The following TNK2 variants were observed in gnomAD, a reference collection of about 807,000 sequenced individuals.
TNK2 encodes tyrosine kinase non receptor 2, also known as activated CDC42 kinase 1.
In TNK2, 83 loss-of-function variants were observed where a neutral mutation model predicts 101.8. The ratio of observed to expected loss-of-function variants is 0.82; its 90% confidence interval spans 0.68 to 0.98. The LOEUF (loss-of-function observed/expected upper bound fraction) is 0.98. Ranked by LOEUF, TNK2 falls within the 50% of genes least tolerant of loss-of-function variation. The pLI is 0.00. For synonymous variants in TNK2, 804 were observed against 633.0 expected, an observed-to-expected ratio of 1.27 and a Z score of -4.06; for missense variants, 1,665 against 1,483.2, an observed-to-expected ratio of 1.12 and a Z score of -2.01.
At chr3:195,887,422 TCTAACTTAGCACATTA>T (rs1756176489) in intron 2 of TNK2, among the ~76,000 whole-genome samples, 1 of 152,242 alleles carries the variant, frequency 6.6e-6, no homozygotes, top group Non-Finnish European at 1.5e-5. Flanking sequence ...TAAATCAATG[TCTAACTTAGCACATTA>T]CTACCTATTT....
At position 195,879,090 on chromosome 3, in the gene TNK2, TG is replaced by T. The variant is rs1490613847; in HGVS notation, c.972del (p.Phe324LeufsTer86). On this transcript the variant is annotated frameshift_variant, in exon 7 of 16. Transcript: ENST00000672887. LOFTEE classifies it high-confidence loss of function. Reference sequence around the variant, plus strand: ...CCGATCCAGGGCTCCTGGCCGTAGGTGAACATTTCCCACAGTGTCACCCCGA... The same window carrying T: ...CCGATCCAGGGCTCCTGGCCGTAGGTAACATTTCCCACAGTGTCACCCCGA... ...WMFGVTLWEM[F>X]TYGQEPWIGL... 4.3e-6 allele frequency: 7 copies of T among 1,613,580 alleles called. No homozygotes were observed. Among genetic ancestry groups the T allele is most frequent in the Non-Finnish European group, 5.9e-6 (7 of 1,179,976 alleles).
At chr3:195,877,441 T>G (rs957153410) in intron 9 of TNK2, among the ~76,000 whole-genome samples, 2 of 152,020 alleles carry the variant, frequency 1.3e-5, no homozygotes, top group Non-Finnish European at 2.9e-5. Context: ...GCAGTGCAGG[T>G]GGAAGAGGCT....
chr3:195,904,189 T>C (rs912889661), intron 1 of TNK2, among the ~76,000 whole-genome samples: 10 of 147,600 alleles, frequency 6.8e-5, no homozygotes, highest in African/African-American at 2.3e-4. Flanking sequence ...GCCCAGGAAG[T>C]CGAGGTTGCA....
At position 195,885,240 on chromosome 3, in the gene TNK2, G is replaced by A. The variant is rs1755083730; in HGVS notation, c.235-207C>T. On this transcript the variant is annotated intron_variant, in intron 3 of 15. Transcript: ENST00000672887. The surrounding 1 kb of genome is among the most constrained non-coding windows in gnomAD (Gnocchi z 4.7). Reference sequence around the variant, plus strand: ...AACATGAACCCAAAGCCTGATGCTGGCCTCAAGGAGGGTGCCAGAAAGAGA... The same window carrying A: ...AACATGAACCCAAAGCCTGATGCTGACCTCAAGGAGGGTGCCAGAAAGAGA... The A allele has an allele frequency of 9.7e-6, 10 of 1,034,172 alleles. No homozygotes were observed. The South Asian group carries it at 1.7e-4, about 18-fold the overall frequency. 64.1% of individuals were successfully genotyped at this position (1,034,172 alleles called of 1,614,324 possible).
intron 12 of TNK2, 160 bp downstream of exon 12, chr3:195,869,337 G>A (rs146905259): frequency 1.3e-5 from 10 of 759,218 alleles, no homozygotes; most frequent in African/African-American, 3.5e-5. Flanking sequence ...GGGCTCGAGG[G>A]GGGGCAGGCA....
chr3:195,877,308 T>A (rs577320958), intron 9 of TNK2, among the ~76,000 whole-genome samples: 1 of 152,226 alleles, frequency 6.6e-6, no homozygotes, highest in South Asian at 2.1e-4. Context: ...GAGCCGGGCC[T>A]GGGAAGGCTC....
Position 195,867,890 on chromosome 3 carries a change from C to A in TNK2, c.2408G>T (p.Gly803Val). ...VPPREPLSPQGSRTPSPLVPP... is the reference protein window; with the variant it reads ...VPPREPLSPQVSRTPSPLVPP... The stretch of plus-strand genomic sequence containing the variant: ...TACCAGGGGGCTGGGTGTCCTCGAG[C>A]CTTGAGGGGACAGGGGCTCCCGCGG... Residue 803 changes from glycine to valine, a missense_variant, in exon 13 of 16, where the codon GGC becomes GTC. Coordinates refer to ENST00000672887, the MANE Select transcript of TNK2 (RefSeq NM_001382273.1). 2 of 1,531,166 alleles carry A rather than the reference C, an allele frequency of 1.3e-6. No individual in the cohort carries two copies. Among genetic ancestry groups the A allele is most frequent in the South Asian group, 1.3e-5 (1 of 77,930 alleles). The allele number at this position is 1,531,166 out of a possible 1,614,324, so 94.8% of individuals were successfully genotyped here.
chr3:195,900,070 C>T (rs1353661141), intron 1 of TNK2, among the ~76,000 whole-genome samples: 2 of 152,130 alleles, frequency 1.3e-5, no homozygotes, highest in African/African-American at 2.4e-5. Context: ...GCAACTCAGT[C>T]CCCCAAAGCC....
chr3:195,864,105 G>C lies in TNK2; in HGVS notation c.*76C>G, dbSNP rs1738947024. 1.9e-6 allele frequency: 3 copies of C among 1,597,290 alleles called. No homozygotes were observed. The highest frequency in any genetic ancestry group is 2.6e-6 in the Non-Finnish European group (3 of 1,166,494). The stretch of plus-strand genomic sequence containing the variant: ...GCGGGTCCTCCAGGACTGGATGGGG[G>C]CATCTCCCCACTCCTGGTGGACGGA... On this transcript the variant is annotated 3_prime_UTR_variant, in exon 16 of 16. Transcript: ENST00000672887.
chr3:195,867,183 C>T lies in TNK2; in HGVS notation c.3019G>A (p.Ala1007Thr), dbSNP rs1381801081. Reference sequence around the variant, plus strand: ...GGTGGCGGTACCTTCAGATACTGGGCAGCCCTCTGCACGCTCCAGCCGTGG... The same window carrying T: ...GGTGGCGGTACCTTCAGATACTGGGTAGCCCTCTGCACGCTCCAGCCGTGG... ...QCHGWSVQRA[A>T]QYLKVEQLFG... Residue 1007 changes from alanine (A) to threonine (T), a missense_variant, in exon 14 of 16, where the codon GCC (alanine) becomes ACC (threonine). This residue lies in a region of TNK2 where 1,136 missense variants were observed against 894.9 expected (regional missense o/e 1.27). Coordinates refer to ENST00000672887, the MANE Select transcript of TNK2 (RefSeq NM_001382273.1). 3 of 1,612,786 alleles carry T rather than the reference C, an allele frequency of 1.9e-6. No homozygotes were observed. Among genetic ancestry groups the T allele is most frequent in the Non-Finnish European group, 2.5e-6 (3 of 1,179,894 alleles).
intron 11 of TNK2, 161 bp downstream of exon 11, chr3:195,869,953 C>A (rs940895277): frequency 4.8e-6 from 3 of 619,438 alleles, no homozygotes; most frequent in Non-Finnish European, 8.4e-6. Context: ...CTGTCTTCCA[C>A]CCCACGCCCA....
At chr3:195,896,508 C>T (rs185733253) in intron 1 of TNK2, among the ~76,000 whole-genome samples, 211 of 152,310 alleles carry the variant, frequency 1.4e-3, no homozygotes, top group Non-Finnish European at 2.0e-3. Context: ...ACAGAAGCTC[C>T]TCGGCATCTT....
chr3:195,878,192 G>T lies in TNK2; in HGVS notation c.1256+61C>A, dbSNP rs1750510776. ...GGAGGCCAAACAGATCTGTCCACAGGTCCCTCCGACCTGTGCCCTTCAAGC... is the reference window on the plus strand; with the variant it reads ...GGAGGCCAAACAGATCTGTCCACAGTTCCCTCCGACCTGTGCCCTTCAAGC... On this transcript the variant is annotated intron_variant, in intron 9 of 15. Transcript: ENST00000672887. The surrounding 1 kb of genome is among the most constrained non-coding windows in gnomAD (Gnocchi z 4.7). 1.9e-6 allele frequency: 3 copies of T among 1,555,126 alleles called. No homozygotes were observed. Among genetic ancestry groups the T allele is most frequent in the African/African-American group, 1.4e-5 (1 of 73,728 alleles).
intron 1 of TNK2, chr3:195,896,208 C>T: frequency 2.4e-6 from 1 of 425,408 alleles, no homozygotes; most frequent in South Asian, 1.6e-5. Context: ...CCCCGGGGCC[C>T]CAAGGCACCG....
intron 1 of TNK2, among the ~76,000 whole-genome samples, chr3:195,889,960 G>C (rs1757709119): frequency 6.6e-6 from 1 of 152,162 alleles, no homozygotes; most frequent in Non-Finnish European, 1.5e-5. Context: ...ATCACAGTGA[G>C]CAGCACTGAG....
At chr3:195,889,572 C>T (rs565714231) in intron 1 of TNK2, among the ~76,000 whole-genome samples, 5 of 152,194 alleles carry the variant, frequency 3.3e-5, no homozygotes, top group Non-Finnish European at 7.3e-5. Flanking sequence ...ACTTAATATT[C>T]GTCTTTCTCC....
intron 15 of TNK2, among the ~76,000 whole-genome samples, chr3:195,864,794 T>C (rs1382350832): frequency 9.0e-4 from 99 of 109,480 alleles, no homozygotes; most frequent in East Asian, 3.3e-3. Flanking sequence ...CCCGAGACAG[T>C]GACAGACAGG....
rs542317940 is a variant in TNK2 at position 195,876,805 on chromosome 3, C to T, written c.1256+1448G>A. The T allele has an allele frequency of 1.1e-5, 4 of 361,182 alleles. No individual in the cohort carries two copies. In the East Asian group the frequency reaches 2.2e-4, roughly 20 times the overall value. 22.4% of individuals were successfully genotyped at this position (361,182 alleles called of 1,614,324 possible). ...CTCCCAGGAGCAGCCGCTCCCGGCCCCTCCCACTGCCCGCCTTGCCCGGGC... is the reference window on the plus strand; with the variant it reads ...CTCCCAGGAGCAGCCGCTCCCGGCCTCTCCCACTGCCCGCCTTGCCCGGGC... On this transcript the variant is annotated intron_variant, in intron 9 of 15. Coordinates refer to ENST00000672887, the MANE Select transcript of TNK2 (RefSeq NM_001382273.1).
chr3:195,892,499 C>G, intron 1 of TNK2: 2 of 1,535,094 alleles, frequency 1.3e-6, no homozygotes, highest in Non-Finnish European at 1.7e-6. Context: ...CTCCACGCAG[C>G]GGGACCCCCC....
Sources: gnomAD v4.1 joint callset for allele counts (sites outside exome capture counted in the v4.1 genomes callset) on GRCh38, gnomAD v4.1.1 for gene constraint, gnomAD v4.1.1 regional missense constraint, Gnocchi (gnomAD v3.1) non-coding constraint, MANE v1.5 for transcripts, NCBI Gene and HGNC (gene_info 2026-07-23, HGNC 2026-07-21) for gene names.